The following SMAP2 variants were observed in gnomAD, a reference collection of about 807,000 sequenced individuals.
SMAP2 encodes stromal membrane-associated protein 2.
Under a neutral mutation model 56.4 loss-of-function variants are expected in SMAP2, and 25 were observed. The ratio of observed to expected loss-of-function variants is 0.44; its 90% CI spans 0.32 to 0.62. SMAP2 has a LOEUF of 0.62. Ranked by LOEUF, SMAP2 falls within the 20% of genes least tolerant of loss-of-function variation. The pLI, the probability that SMAP2 is intolerant of heterozygous loss-of-function variation, is 0.04. For missense variants in SMAP2, 388 were observed against 545.6 expected, an observed-to-expected ratio of 0.71 and a Z score of 2.88; for synonymous variants, 157 against 181.7, an observed-to-expected ratio of 0.86 and a Z score of 1.09.
intron 1 of SMAP2, among the ~76,000 whole-genome samples, chr1:40,359,401 A>G (rs1644450089): frequency 6.6e-6 from 1 of 151,982 alleles, no homozygotes; most frequent in Admixed American, 6.6e-5. Context: ...CCGCACCCCT[A>G]TTTGTGTCTT....
chr1:40,419,819 T>C (rs1281423787), intron 9 of SMAP2, among the ~76,000 whole-genome samples: 3 of 151,984 alleles, frequency 2.0e-5, no homozygotes, highest in African/African-American at 7.3e-5. Flanking sequence ...CCCAGAGAGG[T>C]GGTATGGTGC....
In SMAP2 at chr1:40,416,862, G is replaced by A; in HGVS notation, c.930G>A (p.Met310Ile). Residue 310 changes from methionine to isoleucine, a missense_variant, in exon 9 of 10, where the codon ATG becomes ATA. Transcript: ENST00000372718. ...FPGVTPPNSIMGSMMPPPVGM... is the reference protein window; with the variant it reads ...FPGVTPPNSIIGSMMPPPVGM... ...GGGTTACACCTCCTAACAGCATAAT[G>A]GGGAGCATGATGCCTCCACCAGTAG... 1.2e-6 allele frequency: 2 copies of A among 1,614,158 alleles called. No individual in the cohort carries two copies. The highest frequency in any genetic ancestry group is 8.5e-7 in the Non-Finnish European group (1 of 1,180,020).
At chr1:40,361,513 C>A (rs1644459743) in intron 1 of SMAP2, among the ~76,000 whole-genome samples, 1 of 152,046 alleles carries the variant, frequency 6.6e-6, no homozygotes, top group African/African-American at 2.4e-5. Flanking sequence ...ACCAGATTGA[C>A]CAAGTGGGCC....
intron 1 of SMAP2, among the ~76,000 whole-genome samples, chr1:40,387,624 A>G (rs562035963): frequency 1.3e-5 from 2 of 152,298 alleles, no homozygotes; most frequent in South Asian, 4.1e-4. Context: ...GACATAAGGA[A>G]CAGCTTTATG....
rs141495300 is a variant in SMAP2, at chr1:40,422,228, T to C, written c.*127T>C. On this transcript the variant is annotated 3_prime_UTR_variant, in exon 10 of 10. Transcript: ENST00000372718. ...GGTTTAGAAATTGCTCAATAAGTCA[T>C]TTGGGGTTTGGCATCCTGCCCAGCC... 1.2e-4 allele frequency: 160 copies of C among 1,334,560 alleles called. 1 individual carries two copies. The African/African-American group carries it at 2.0e-3, about 17-fold the overall frequency. 82.7% of individuals were successfully genotyped at this position (1,334,560 alleles called of 1,614,324 possible).
intron 1 of SMAP2, among the ~76,000 whole-genome samples, chr1:40,383,537 G>A (rs1281086635): frequency 6.6e-6 from 1 of 152,206 alleles, no homozygotes; most frequent in Non-Finnish European, 1.5e-5. Context: ...GAACGGAAGG[G>A]TTTTCCGGCA....
chr1:40,347,486 A>G (rs1644394212), intron 1 of SMAP2, among the ~76,000 whole-genome samples: 1 of 151,800 alleles, frequency 6.6e-6, no homozygotes, highest in Non-Finnish European at 1.5e-5. Flanking sequence ...TCTTCAGACA[A>G]TTCTTGGGTT....
At position 40,374,216 on chromosome 1, in the gene SMAP2, G is replaced by A; in HGVS notation, c.96G>A (p.Gln32=). 6.2e-7 allele frequency: 1 copy of A among 1,611,574 alleles called. No individual in the cohort carries two copies. Among genetic ancestry groups the A allele is most frequent in the Non-Finnish European group, 8.5e-7 (1 of 1,178,930 alleles). ...EEDNKFCADC[Q]SKGPRWASWN... Reference sequence around the variant, plus strand: ...ATAACAAGTTTTGTGCAGATTGCCAGTCTAAAGGTAGCGCATCCCACCTGG... The same window carrying A: ...ATAACAAGTTTTGTGCAGATTGCCAATCTAAAGGTAGCGCATCCCACCTGG... Residue 32 remains glutamine, a synonymous_variant, in exon 1 of 10, where the codon CAG becomes CAA. Coordinates refer to ENST00000372718, the MANE Select transcript of SMAP2 (RefSeq NM_022733.3). This position sits in a 1 kb window ranked among gnomAD's most constrained non-coding sequence, Gnocchi z 5.9.
intron 5 of SMAP2, 27 bp from the exon 6 acceptor site, chr1:40,414,132 T>TCTTTCTATAACATATTTTCA: frequency 6.2e-7 from 1 of 1,610,180 alleles, no homozygotes; most frequent in Non-Finnish European, 8.5e-7. Context: ...CCTGCTTATT[T>TCTTTCTATAACATATTTTCA]CTTGCTATAA....
At position 40,346,793 on chromosome 1, in the gene SMAP2, C is replaced by T. The variant is rs549211802; in HGVS notation, c.-83+1883C>T. ...GCATAGTTCCCTGTATATTCAACAA[C>T]ATTAGGTATTATAATTAAACTTCTT... is the stretch of plus-strand genomic sequence containing the variant. On this transcript the variant is annotated intron_variant, in intron 1 of 6. Coordinates refer to the SMAP2 transcript ENST00000435168. Among the ~76,000 whole-genome samples the T allele has an allele frequency of 5.1e-4, 78 of 151,970 alleles. 1 individual carries two copies. The South Asian group carries it at 0.015, about 30-fold the overall frequency.
Position 40,347,241 on chromosome 1 carries a change from T to TG in SMAP2, c.-83+2331_-83+2332insG, listed in dbSNP as rs1553187325. Among the ~76,000 whole-genome samples, 217 of 29,510 alleles carry TG rather than the reference T, an allele frequency of 7.4e-3. 9 individuals carry two copies. The African/African-American group carries it at 0.083, about 11-fold the overall frequency. 19.4% of individuals were successfully genotyped at this position (29,510 alleles called of 152,430 possible). A position where few individuals can be genotyped will look rare whatever the true frequency, so the allele number is the denominator to read the frequency against. On this transcript the variant is annotated intron_variant, in intron 1 of 6. Coordinates refer to the SMAP2 transcript ENST00000435168. Reference sequence around the variant, plus strand: ...GTGTGTGTGTGTTTGTGTGTGTGTGTTTTGTTTTTGTTTTTTTTTTTTTTT... The same window carrying TG: ...GTGTGTGTGTGTTTGTGTGTGTGTGTGTTTGTTTTTGTTTTTTTTTTTTTTT...
At position 40,377,933 on chromosome 1, in the gene SMAP2, T is replaced by C. The variant is rs185789573; in HGVS notation, c.103+3710T>C. 2.2e-4 allele frequency among the ~76,000 whole-genome samples: 33 copies of C among 152,334 alleles called. 1 individual carries two copies. The highest frequency in any genetic ancestry group is 3.9e-4 in the Admixed American group (6 of 15,304). ...CAAGTCCCTGATATAAATGTTGTAG[T>C]GCTTGCATATAACTTATACACATCC... On this transcript the variant is annotated intron_variant, in intron 1 of 9. Coordinates refer to ENST00000372718, the MANE Select transcript of SMAP2 (RefSeq NM_022733.3).
chr1:40,413,893 G>A, intron 5 of SMAP2: 1 of 380,092 alleles, frequency 2.6e-6, no homozygotes, highest in Non-Finnish European at 4.9e-6. Flanking sequence ...CTGTTCTGTG[G>A]TTGTCTTGGT....
At chr1:40,345,748 A>G (rs1353070214) in intron 1 of SMAP2, among the ~76,000 whole-genome samples, 2 of 151,124 alleles carry the variant, frequency 1.3e-5, no homozygotes, top group African/African-American at 4.8e-5. Flanking sequence ...TTTAGAATAC[A>G]TCTATTGTGT....
At chr1:40,410,335 T>TG (rs1644922926) in intron 4 of SMAP2, among the ~76,000 whole-genome samples, 1 of 151,988 alleles carries the variant, frequency 6.6e-6, no homozygotes, top group African/African-American at 2.4e-5. Context: ...GGTGAATTCT[T>TG]GCCTTAATCT....
rs1239963591 is a variant in SMAP2, at chr1:40,386,861, T to TC, written c.103+12638_103+12639insC. Among the ~76,000 whole-genome samples, 1 of 150,650 alleles carries TC rather than the reference T, an allele frequency of 6.6e-6. No homozygotes were observed. Among genetic ancestry groups the TC allele is most frequent in the African/African-American group, 2.4e-5 (1 of 40,882 alleles). ...AGGTATTTTTCATAATTCTTTTTTT[T>TC]TTTTTTTTTTGGAGACAAGGTCTCT... On this transcript the variant is annotated intron_variant, in intron 1 of 9. Transcript: ENST00000372718. This position sits in a 1 kb window ranked among gnomAD's most constrained non-coding sequence, Gnocchi z 4.1.
chr1:40,380,020 T>A (rs1644582040), intron 1 of SMAP2, among the ~76,000 whole-genome samples: 1 of 152,238 alleles, frequency 6.6e-6, no homozygotes, highest in African/African-American at 2.4e-5. Flanking sequence ...CACCTAACTT[T>A]CTCAGTTTAG....
In SMAP2 at chr1:40,404,872, G is replaced by A. The variant is rs567172899; in HGVS notation, c.104-1864G>A. On this transcript the variant is annotated intron_variant, in intron 1 of 9. Coordinates refer to ENST00000372718, the MANE Select transcript of SMAP2 (RefSeq NM_022733.3). ...ACACTCTCCCACATGAAACAAGTGT[G>A]CGAATCATTTTTGTGTTTATTAGAT... Among the ~76,000 whole-genome samples, 4 of 152,196 alleles carry A rather than the reference G, an allele frequency of 2.6e-5. No homozygotes were observed. The South Asian group carries it at 8.3e-4, about 31-fold the overall frequency.
At chr1:40,366,110 A>G (rs1414710586) in intron 2 of SMAP2, among the ~76,000 whole-genome samples, 1 of 151,600 alleles carries the variant, frequency 6.6e-6, no homozygotes, top group Non-Finnish European at 1.5e-5. Context: ...CAGCAATGGA[A>G]GATGAAATGA....
Sources: gnomAD v4.1 joint callset for allele counts (sites outside exome capture counted in the v4.1 genomes callset) on GRCh38, gnomAD v4.1.1 for gene constraint, Gnocchi (gnomAD v3.1) non-coding constraint, MANE v1.5 for transcripts, NCBI Gene and HGNC (gene_info 2026-07-23, HGNC 2026-07-21) for gene names.